SLC22A23: variants seen among roughly 807,000 people sequenced by gnomAD.
The protein encoded by SLC22A23 is solute carrier family 22 member 23.
In SLC22A23, 26 loss-of-function variants were observed where a neutral mutation model predicts 61.0. The observed-to-expected ratio is 0.43, with a 90% CI of 0.31 to 0.59. SLC22A23 has a LOEUF of 0.59. Ranked by LOEUF, SLC22A23 falls within the 20% of genes least tolerant of loss-of-function variation. The pLI, the probability that SLC22A23 is intolerant of heterozygous loss-of-function variation, is 0.11. For missense variants in SLC22A23, 796 were observed against 934.7 expected (o/e 0.85, Z 1.94); for synonymous variants, 430 against 413.9 (o/e 1.04, Z -0.47).
chr6:3,349,936 T>C (rs1393279208), intron 3 of SLC22A23, among the ~76,000 whole-genome samples: 1 of 152,210 alleles, frequency 6.6e-6, no homozygotes, highest in African/African-American at 2.4e-5. Flanking sequence ...CGAAGGCAGA[T>C]GATCACGGTC....
intron 3 of SLC22A23, among the ~76,000 whole-genome samples, chr6:3,379,967 G>GTT (rs1437020673): frequency 6.6e-6 from 1 of 152,208 alleles, no homozygotes; most frequent in African/African-American, 2.4e-5. Context: ...GCGTGTGTGT[G>GTT]TGTGTGTGTG....
At position 3,272,893 on chromosome 6, in the gene SLC22A23, C is replaced by T. The variant is rs1452580363; in HGVS notation, c.*162G>A. The T allele has an allele frequency of 1.3e-5, 8 of 619,316 alleles. No homozygotes were observed. Among genetic ancestry groups the T allele is most frequent in the Admixed American group, 3.1e-5 (1 of 32,316 alleles). The allele number at this position is 619,316 out of a possible 1,614,324, so 38.4% of individuals were successfully genotyped here. ...CAAAGAGTTTGTCTCCTCCGACCCGCGCTCCTTGGACTTTTGGAAAGACAG... is the reference window on the plus strand; with the variant it reads ...CAAAGAGTTTGTCTCCTCCGACCCGTGCTCCTTGGACTTTTGGAAAGACAG... On this transcript the variant is annotated 3_prime_UTR_variant, in exon 10 of 10. Transcript: ENST00000406686.
rs1172874814 is a variant in SLC22A23, at chr6:3,342,187, C to T, written c.914-18185G>A. Among the ~76,000 whole-genome samples the T allele has an allele frequency of 6.6e-6, 1 of 152,110 alleles. No individual in the cohort carries two copies. Among genetic ancestry groups the T allele is most frequent in the East Asian group, 1.9e-4 (1 of 5,196 alleles). ...CTGCGTGAAAATGAAAACTTATTCT[C>T]AGTTACCGTTTTGTTTCAAGATGGA... is the stretch of plus-strand genomic sequence containing the variant. On this transcript the variant is annotated intron_variant, in intron 3 of 9. Transcript: ENST00000406686. The surrounding 1 kb of genome is among the most constrained non-coding windows in gnomAD (Gnocchi z 4.0).
intron 1 of SLC22A23, among the ~76,000 whole-genome samples, chr6:3,422,084 G>C (rs9405640): frequency 0.33 from 50,311 of 152,068 alleles, 8,884 homozygotes; most frequent in East Asian, 0.49. Flanking sequence ...AAGCTGAGCA[G>C]TGTCAGTTGA....
chr6:3,399,811 AT>A (rs1256242391), intron 3 of SLC22A23, among the ~76,000 whole-genome samples: 4 of 152,000 alleles, frequency 2.6e-5, no homozygotes, highest in African/African-American at 9.7e-5. Context: ...GTCCAGGAGA[AT>A]TTTTTCTTGA....
intron 3 of SLC22A23, among the ~76,000 whole-genome samples, chr6:3,373,746 C>A (rs1176141913): frequency 6.6e-6 from 1 of 152,198 alleles, no homozygotes; most frequent in African/African-American, 2.4e-5. Context: ...TCAGTGTTGA[C>A]CAGGCACCAA....
intron 3 of SLC22A23, among the ~76,000 whole-genome samples, chr6:3,362,475 C>A (rs1765541617): frequency 6.7e-6 from 1 of 149,966 alleles, no homozygotes; most frequent in Non-Finnish European, 1.5e-5. Flanking sequence ...TTGAAACACC[C>A]ACCAAGGATA....
At chr6:3,325,430 C>T (rs920797916) in intron 3 of SLC22A23, among the ~76,000 whole-genome samples, 3 of 152,242 alleles carry the variant, frequency 2.0e-5, no homozygotes, top group African/African-American at 7.2e-5. Context: ...ATTTCCATTG[C>T]TGCTCAGCCA....
At chr6:3,374,262 GGCTCAA>G (rs1766414221) in intron 3 of SLC22A23, among the ~76,000 whole-genome samples, 1 of 152,210 alleles carries the variant, frequency 6.6e-6, no homozygotes, top group South Asian at 2.1e-4. Flanking sequence ...TATATGTCCA[GGCTCAA>G]GCCTGGTATA....
rs754925796 is a variant in SLC22A23, at chr6:3,289,743, C to A, written c.1313+21G>T. ...CCCTGGCCCCCTCCCACCCAGCTGG[C>A]ACTTGTCCTCTGTGACTCACGAGTT... is the stretch of plus-strand genomic sequence containing the variant. On this transcript the variant is annotated intron_variant, in intron 6 of 9. Transcript: ENST00000406686. 9.3e-6 allele frequency: 15 copies of A among 1,608,000 alleles called. 1 individual carries two copies. The highest frequency in any genetic ancestry group is 3.3e-4 in the Middle Eastern group (2 of 6,044).
intron 9 of SLC22A23, among the ~76,000 whole-genome samples, chr6:3,275,312 T>C (rs909564167): frequency 2.6e-5 from 4 of 152,080 alleles, no homozygotes; most frequent in African/African-American, 9.7e-5. Context: ...AAAAATGAAC[T>C]CAAAATGGAT....
At chr6:3,343,461 A>ACACACACACACG (rs1491548526) in intron 3 of SLC22A23, among the ~76,000 whole-genome samples, 1 of 151,820 alleles carries the variant, frequency 6.6e-6, no homozygotes, top group Non-Finnish European at 1.5e-5. Context: ...CCCTGCAAAT[A>ACACACACACACG]CACACACACA....
intron 4 of SLC22A23, among the ~76,000 whole-genome samples, chr6:3,307,572 C>T (rs548536136): frequency 9.2e-5 from 14 of 152,246 alleles, no homozygotes; most frequent in East Asian, 3.9e-4. Flanking sequence ...ATATGCTGGA[C>T]GGCAGACTGA....
At chr6:3,432,071 T>C (rs1207542369) in intron 1 of SLC22A23, 2 of 295,954 alleles carry the variant, frequency 6.8e-6, no homozygotes, top group African/African-American at 4.5e-5. Context: ...CACAAAGCTT[T>C]ATGCTATAGG....
At chr6:3,392,808 C>T (rs900107387) in intron 3 of SLC22A23, among the ~76,000 whole-genome samples, 6 of 152,110 alleles carry the variant, frequency 3.9e-5, no homozygotes, top group Non-Finnish European at 7.3e-5. Context: ...ATCTGAAATG[C>T]CTACTGGACA....
At position 3,410,169 on chromosome 6, in the gene SLC22A23, C is replaced by T. The variant is rs755100164; in HGVS notation, c.913+19G>A. The stretch of plus-strand genomic sequence containing the variant: ...TTTGCTAAATTCTTTCAAGACTAGT[C>T]GTGAAGGCTCCTACTTACGTAAAGC... On this transcript the variant is annotated intron_variant, in intron 3 of 9. Transcript: ENST00000406686. This position sits in a 1 kb window ranked among gnomAD's most constrained non-coding sequence, Gnocchi z 5.0. The T allele has an allele frequency of 3.8e-6, 6 of 1,599,304 alleles. No homozygotes were observed. The highest frequency in any genetic ancestry group is 1.1e-5 in the South Asian group (1 of 88,226).
intron 3 of SLC22A23, among the ~76,000 whole-genome samples, chr6:3,357,078 A>C (rs968851729): frequency 2.0e-4 from 25 of 126,792 alleles, no homozygotes; most frequent in Non-Finnish European, 3.1e-4. Flanking sequence ...AAAAAAAAAA[A>C]AAAAAACCCA....
At chr6:3,393,196 C>T (rs1035668018) in intron 3 of SLC22A23, among the ~76,000 whole-genome samples, 3 of 152,052 alleles carry the variant, frequency 2.0e-5, no homozygotes, top group Admixed American at 2.0e-4. Context: ...GCGGGGGTGA[C>T]GAAAGCCTCA....
At chr6:3,445,493 C>T (rs1412146404) in intron 1 of SLC22A23, among the ~76,000 whole-genome samples, 1 of 152,200 alleles carries the variant, frequency 6.6e-6, no homozygotes, top group Non-Finnish European at 1.5e-5. Context: ...AGCCACTGTG[C>T]CCGGCCACTC....
Sources: allele counts gnomAD v4.1 joint callset (sites outside exome capture counted in the v4.1 genomes callset), GRCh38; gene constraint gnomAD v4.1.1; non-coding constraint Gnocchi (gnomAD v3.1); transcripts MANE v1.5; gene names NCBI Gene and HGNC (gene_info 2026-07-23, HGNC 2026-07-21).